Variants in GSE1 observed in about 807,000 individuals in gnomAD.
GSE1 encodes Gse1 coiled-coil protein.
In GSE1, 32 loss-of-function variants were observed where a neutral mutation model predicts 112.6. That is an observed-to-expected ratio of 0.28 (90% CI 0.21 to 0.38). The LOEUF is 0.38. GSE1 is among the 10% of genes least tolerant of loss of function. The pLI is 1.00. For missense variants in GSE1, 2,348 were observed against 1,699.2 expected (o/e 1.38, Z -6.71); for synonymous variants, 1,115 against 735.6 (o/e 1.52, Z -8.35).
At chr16:85,221,442 CAT>C (rs1386689853) in intron 1 of GSE1, among the ~76,000 whole-genome samples, 9 of 152,124 alleles carry the variant, frequency 5.9e-5, no homozygotes, top group East Asian at 1.9e-4. Flanking sequence ...CGTGTGTGCA[CAT>C]GTGTACACAC....
chr16:85,287,804 C>T (rs2045081865), intron 1 of GSE1, among the ~76,000 whole-genome samples: 2 of 152,134 alleles, frequency 1.3e-5, no homozygotes, highest in Non-Finnish European at 2.9e-5. Flanking sequence ...CTGCCCTCAC[C>T]CCTGCTGAAG....
chr16:85,304,353 C>G (rs897930255), intron 1 of GSE1, among the ~76,000 whole-genome samples: 1 of 152,172 alleles, frequency 6.6e-6, no homozygotes, highest in Non-Finnish European at 1.5e-5. Context: ...GGGAGAGGCC[C>G]TCGGTGGGGC....
At chr16:85,193,608 C>T (rs1344750139) in intron 1 of GSE1, among the ~76,000 whole-genome samples, 5 of 151,996 alleles carry the variant, frequency 3.3e-5, no homozygotes, top group Admixed American at 2.0e-4. Flanking sequence ...TACAGGCACC[C>T]GCCACCATGC....
chr16:85,671,165 T>C, intron 15 of GSE1, 67 bp downstream of exon 15: 1 of 906,228 alleles, frequency 1.1e-6, no homozygotes, highest in South Asian at 1.4e-5. Context: ...GAAACACCCA[T>C]GCAGATAAGT....
At chr16:85,237,793 G>A (rs186969641) in intron 1 of GSE1, among the ~76,000 whole-genome samples, 396 of 151,298 alleles carry the variant, frequency 2.6e-3, no homozygotes, top group South Asian at 0.022. Context: ...AGCCAAGATC[G>A]CGCCACCGCA....
In GSE1 at chr16:85,416,843, T is replaced by TTTTG. The variant is rs924242223; in HGVS notation, c.2464+59216_2464+59219dup. The stretch of plus-strand genomic sequence containing the variant: ...TGGTGGTGGTTTTTCTTGTTTTGTT[T>TTTTG]TTTGTTTGTTTGTTTGTTTTTTTGT... On this transcript the variant is annotated intron_variant, in intron 2 of 2. Transcript: ENST00000637419. Among the ~76,000 whole-genome samples, 8 of 152,180 alleles carry TTTTG rather than the reference T, an allele frequency of 5.3e-5. No homozygotes were observed. The South Asian group carries it at 1.0e-3, about 20-fold the overall frequency.
At chr16:85,512,213 C>T (rs1171113422) in intron 2 of GSE1, among the ~76,000 whole-genome samples, 1 of 152,182 alleles carries the variant, frequency 6.6e-6, no homozygotes, top group Non-Finnish European at 1.5e-5. Context: ...ATCCTCTCAG[C>T]AGAGCCCCCT....
intron 2 of GSE1, among the ~76,000 whole-genome samples, chr16:85,491,017 C>G (rs914626872): frequency 3.3e-5 from 5 of 152,168 alleles, no homozygotes; most frequent in Non-Finnish European, 5.9e-5. Context: ...GATCTCTCCC[C>G]CTGCCTCTGG....
At chr16:85,356,087 C>T (rs773854123) in intron 1 of GSE1, among the ~76,000 whole-genome samples, 6 of 152,156 alleles carry the variant, frequency 3.9e-5, no homozygotes, top group Non-Finnish European at 8.8e-5. Context: ...GGATGACCCC[C>T]CTGCAGTGTG....
intron 1 of GSE1, among the ~76,000 whole-genome samples, chr16:85,226,200 C>T (rs1597843529): frequency 1.3e-5 from 2 of 152,298 alleles, no homozygotes; most frequent in South Asian, 4.1e-4. Context: ...GAAACCACCA[C>T]TGGCAGAGAG....
chr16:85,526,829 C>T (rs556767207), intron 2 of GSE1, among the ~76,000 whole-genome samples: 1 of 152,398 alleles, frequency 6.6e-6, no homozygotes, highest in Non-Finnish European at 1.5e-5. Flanking sequence ...CCACCGTTAA[C>T]TGGAAAAGGT....
intron 1 of GSE1, chr16:85,306,370 T>C (rs1212381855): frequency 6.5e-6 from 1 of 153,990 alleles, no homozygotes; most frequent in Non-Finnish European, 1.5e-5. Context: ...TGAGCGGCAG[T>C]TGAGGGAAGT....
At chr16:85,502,421 C>G (rs1466850794) in intron 2 of GSE1, among the ~76,000 whole-genome samples, 1 of 152,170 alleles carries the variant, frequency 6.6e-6, no homozygotes, top group Non-Finnish European at 1.5e-5. Context: ...AAGCAGGACT[C>G]CTCCCATTTT....
upstream of GSE1, among the ~76,000 whole-genome samples, chr16:85,609,153 C>G (rs551838250): frequency 6.4e-3 from 978 of 152,338 alleles, 15 homozygotes; most frequent in Non-Finnish European, 0.01. Flanking sequence ...CATCCTGCCC[C>G]CTTGCCTTCC....
At chr16:85,388,329 T>TGTATGGCTGGGTAGATGGGTGAGTG (rs1208326396) in intron 2 of GSE1, among the ~76,000 whole-genome samples, 1 of 78,246 alleles carries the variant, frequency 1.3e-5, no homozygotes, top group Non-Finnish European at 2.6e-5. Flanking sequence ...GATGGATGGA[T>TGTATGGCTGGGTAGATGGGTGAGTG]GAATGGATGT....
intron 2 of GSE1, among the ~76,000 whole-genome samples, chr16:85,485,679 C>T (rs1006135380): frequency 1.3e-5 from 2 of 152,238 alleles, no homozygotes; most frequent in Admixed American, 6.5e-5. Context: ...GCTTGTCACT[C>T]GCGAGGTGGG....
rs1032579619 is a variant in GSE1 at position 85,675,258 on chromosome 16, G to A, written c.*2719G>A. The A allele has an allele frequency of 2.0e-5, 3 of 152,156 alleles. No individual in the cohort carries two copies. Among genetic ancestry groups the A allele is most frequent in the Non-Finnish European group, 4.4e-5 (3 of 68,036 alleles). The allele number at this position is 152,156 out of a possible 1,614,324, so 9.4% of individuals were successfully genotyped here. ...GATGCACCTGAAAGCCCTCGGCTCG[G>A]TCCTTAGACCATCTTCCTACATTAC... On this transcript the variant is annotated 3_prime_UTR_variant, in exon 16 of 16. Transcript: ENST00000253458.
At chr16:85,275,459 C>T (rs73252180) in intron 1 of GSE1, among the ~76,000 whole-genome samples, 2,453 of 152,362 alleles carry the variant, frequency 0.016, 58 homozygotes, top group African/African-American at 0.056. Flanking sequence ...AGGGCCTGGA[C>T]TTTGCATCCA....
chr16:85,170,883 C>A, exon 1 of GSE1: 1 of 985,526 alleles, frequency 1.0e-6, no homozygotes, highest in Non-Finnish European at 1.2e-6. Context: ...TGCCCCTGGA[C>A]AGCCACGCCC....
Sources: allele counts gnomAD v4.1 joint callset (sites outside exome capture counted in the v4.1 genomes callset), GRCh38; gene constraint gnomAD v4.1.1; transcripts MANE v1.5; gene names NCBI Gene and HGNC (gene_info 2026-07-23, HGNC 2026-07-21).